UPP2: variants seen among roughly 807,000 people sequenced by gnomAD.
UPP2 encodes the protein UPase 2.
Under a neutral mutation model 26.7 loss-of-function variants are expected in UPP2, and 23 were observed. The ratio of observed to expected loss-of-function variants is 0.86; its 90% confidence interval spans 0.62 to 1.22. UPP2 has a LOEUF of 1.22. UPP2 is among the 50% of genes most tolerant of loss of function. UPP2 has a pLI of 0.00. For synonymous variants in UPP2, 127 were observed against 141.3 expected, an observed-to-expected ratio of 0.90 and a Z score of 0.72; for missense variants, 387 against 396.7, an observed-to-expected ratio of 0.98 and a Z score of 0.21.
intron 3 of UPP2, among the ~76,000 whole-genome samples, chr2:158,072,168 G>A (rs1000528470): frequency 1.3e-5 from 2 of 152,070 alleles, no homozygotes; most frequent in South Asian, 2.1e-4. Flanking sequence ...TCGGCTTTAC[G>A]TGAATATTGG....
intron 3 of UPP2, among the ~76,000 whole-genome samples, chr2:158,050,792 G>T (rs1682142662): frequency 1.3e-5 from 2 of 152,190 alleles, no homozygotes; most frequent in South Asian, 4.1e-4. Flanking sequence ...AGCAGATAAT[G>T]TAACTGAATA....
intron 3 of UPP2, among the ~76,000 whole-genome samples, chr2:158,032,566 G>A (rs573330956): frequency 2.6e-5 from 4 of 152,280 alleles, no homozygotes; most frequent in South Asian, 2.1e-4. Flanking sequence ...TCATTAGGAG[G>A]TGGGACATGG....
intron 3 of UPP2, among the ~76,000 whole-genome samples, chr2:158,041,486 T>C (rs1168102421): frequency 6.6e-6 from 1 of 152,196 alleles, no homozygotes; most frequent in Non-Finnish European, 1.5e-5. Context: ...AATTCTCTGA[T>C]ATTCAGATCA....
chr2:158,039,711 C>T (rs78586770), intron 3 of UPP2, among the ~76,000 whole-genome samples: 7,119 of 152,298 alleles, frequency 0.047, 239 homozygotes, highest in Non-Finnish European at 0.076. Context: ...TTAGACCCCA[C>T]TCCAAATCTG....
At chr2:158,030,467 C>A (rs1439032256) in intron 3 of UPP2, among the ~76,000 whole-genome samples, 1 of 152,130 alleles carries the variant, frequency 6.6e-6, no homozygotes, top group African/African-American at 2.4e-5. Context: ...ATGTTATAAT[C>A]ACCATATAGA....
intron 3 of UPP2, chr2:158,065,835 TG>T (rs1682425850): frequency 1.5e-6 from 1 of 682,704 alleles, no homozygotes; most frequent in East Asian, 2.7e-5. Context: ...AGAACCTCAT[TG>T]TTGTACTGCT....
At chr2:158,089,080 G>A (rs1682863903) in intron 3 of UPP2, among the ~76,000 whole-genome samples, 1 of 152,136 alleles carries the variant, frequency 6.6e-6, no homozygotes, top group African/African-American at 2.4e-5. Context: ...GGCTACCAGA[G>A]CGGGTAGAGA....
chr2:158,118,881 C>T (rs532195313), intron 4 of UPP2, among the ~76,000 whole-genome samples: 18 of 152,152 alleles, frequency 1.2e-4, no homozygotes, highest in African/African-American at 4.1e-4. Flanking sequence ...AGAAATCAGA[C>T]ATGTTGGAAA....
chr2:158,082,123 G>T (rs999246759), intron 3 of UPP2, among the ~76,000 whole-genome samples: 1 of 151,864 alleles, frequency 6.6e-6, no homozygotes, highest in African/African-American at 2.4e-5. Flanking sequence ...GGTAATTTTT[G>T]TATTTGTAGT....
intron 2 of UPP2, among the ~76,000 whole-genome samples, chr2:158,011,680 G>A (rs1031090345): frequency 6.9e-6 from 1 of 145,386 alleles, no homozygotes; most frequent in Non-Finnish European, 1.5e-5. Context: ...GGGAGGGAGG[G>A]AGGGAAGGAG....
At chr2:158,061,123 T>C (rs934424281) in intron 3 of UPP2, among the ~76,000 whole-genome samples, 4 of 152,244 alleles carry the variant, frequency 2.6e-5, no homozygotes, top group Admixed American at 6.5e-5. Context: ...ATGTTAATTA[T>C]AGCAACGGGC....
At chr2:158,087,871 GT>G (rs1483004463) in intron 3 of UPP2, among the ~76,000 whole-genome samples, 1 of 152,160 alleles carries the variant, frequency 6.6e-6, no homozygotes, top group Non-Finnish European at 1.5e-5. Flanking sequence ...ATCTGATAGA[GT>G]TTCCTTTTTA....
At chr2:158,068,382 C>T (rs576027115) in intron 3 of UPP2, among the ~76,000 whole-genome samples, 3 of 152,232 alleles carry the variant, frequency 2.0e-5, no homozygotes, top group East Asian at 3.9e-4. Context: ...TATTTTCTTG[C>T]CTCAGAGAAT....
intron 3 of UPP2, among the ~76,000 whole-genome samples, chr2:158,060,556 T>G (rs1047110167): frequency 2.0e-5 from 3 of 152,192 alleles, no homozygotes; most frequent in African/African-American, 7.2e-5. Context: ...ATGAGCAGAT[T>G]GCAAAATTCC....
At chr2:158,068,244 T>C (rs73005420) in intron 3 of UPP2, among the ~76,000 whole-genome samples, 4,217 of 152,274 alleles carry the variant, frequency 0.028, 197 homozygotes, top group African/African-American at 0.096. Flanking sequence ...ATTGTTCTTA[T>C]AGTACTAATT....
intron 2 of UPP2, 26 bp from the exon 3 acceptor site, chr2:158,115,075 A>T: frequency 6.3e-7 from 1 of 1,575,570 alleles, no homozygotes. Context: ...TTACTATGGC[A>T]GGCCCTTGTT....
chr2:158,014,321 C>T (rs1476021574), intron 2 of UPP2, among the ~76,000 whole-genome samples: 1 of 152,160 alleles, frequency 6.6e-6, no homozygotes, highest in Non-Finnish European at 1.5e-5. Context: ...GATTGCCTCT[C>T]CTAGAACAAC....
intron 3 of UPP2, among the ~76,000 whole-genome samples, chr2:158,081,668 C>T (rs67568137): frequency 0.081 from 12,306 of 152,022 alleles, 606 homozygotes; most frequent in East Asian, 0.25. Context: ...TTTGCAACAA[C>T]GTGGATGGAA....
intron 5 of UPP2, among the ~76,000 whole-genome samples, chr2:158,122,863 T>G (rs999320629): frequency 6.6e-6 from 1 of 152,054 alleles, no homozygotes; most frequent in African/African-American, 2.4e-5. Context: ...TTGAATCAGC[T>G]TAAATAGAGG....
Sources: allele counts gnomAD v4.1 joint callset (sites outside exome capture counted in the v4.1 genomes callset), GRCh38; gene constraint gnomAD v4.1.1; transcripts MANE v1.5; gene names NCBI Gene and HGNC (gene_info 2026-07-23, HGNC 2026-07-21).